CELF2: variants seen among roughly 807,000 people sequenced by gnomAD.
CELF2 encodes CUGBP Elav-like family member 2.
Under a neutral mutation model 62.6 loss-of-function variants are expected in CELF2, and 8 were observed. That is an observed-to-expected ratio of 0.13 (90% confidence interval 0.07 to 0.23). The LOEUF is 0.23. Among genes scored for constraint, CELF2 ranks in the 10% least tolerant of loss-of-function variants. The probability of loss-of-function intolerance (pLI) is 1.00; values close to 1 mark genes in which losing one functional copy is unlikely to be tolerated. For synonymous variants in CELF2, 258 were observed against 250.0 expected, an observed-to-expected ratio of 1.03 and a Z score of -0.30; for missense variants, 333 against 671.0, an observed-to-expected ratio of 0.50 and a Z score of 5.56.
At chr10:11,186,322 T>G (rs1204760111) in intron 2 of CELF2, among the ~76,000 whole-genome samples, 4 of 151,094 alleles carry the variant, frequency 2.6e-5, no homozygotes, top group Non-Finnish European at 4.4e-5. Context: ...TTCTATTTCT[T>G]TGGCTTTCAC....
intron 1 of CELF2, among the ~76,000 whole-genome samples, chr10:11,020,218 C>T (rs973121940): frequency 1.3e-5 from 2 of 152,152 alleles, no homozygotes; most frequent in African/African-American, 4.8e-5. Flanking sequence ...CAAATGATAG[C>T]CTTTGGAATC....
At chr10:10,770,593 A>T in the CELF2 span, among the ~76,000 whole-genome samples, 3 of 152,156 alleles carry the variant, frequency 2.0e-5, no homozygotes, top group Admixed American at 2.0e-4. Flanking sequence ...GACTGTGGCC[A>T]GAAAGTAAAA....
chr10:10,594,189 C>T, the CELF2 span, among the ~76,000 whole-genome samples: 1 of 152,088 alleles, frequency 6.6e-6, no homozygotes, highest in Non-Finnish European at 1.5e-5. Context: ...ACTGATTGTA[C>T]GTGGAACTAA....
intron 2 of CELF2, among the ~76,000 whole-genome samples, chr10:10,981,620 T>G (rs1176143722): frequency 6.6e-6 from 1 of 152,262 alleles, no homozygotes; most frequent in Non-Finnish European, 1.5e-5. Flanking sequence ...CAACAGTGTT[T>G]GCCATAGTTA....
intron 1 of CELF2, among the ~76,000 whole-genome samples, chr10:11,101,962 A>G (rs2051803271): frequency 6.6e-6 from 1 of 152,240 alleles, no homozygotes; most frequent in African/African-American, 2.4e-5. Context: ...TAATAAAGTT[A>G]TAGTCCAAAT....
chr10:11,161,324 G>C (rs145078633), intron 1 of CELF2, among the ~76,000 whole-genome samples: 3 of 152,290 alleles, frequency 2.0e-5, no homozygotes, highest in Non-Finnish European at 4.4e-5. Flanking sequence ...TAGCAGAATT[G>C]GCACTCAGGA....
the CELF2 span, among the ~76,000 whole-genome samples, chr10:10,700,147 T>C: frequency 6.6e-6 from 1 of 152,190 alleles, no homozygotes; most frequent in Non-Finnish European, 1.5e-5. Context: ...TGTGTGTCCA[T>C]TGCATCTCGA....
intron 1 of CELF2, among the ~76,000 whole-genome samples, chr10:11,029,541 C>G (rs2059781516): frequency 6.6e-6 from 1 of 152,234 alleles, no homozygotes; most frequent in Non-Finnish European, 1.5e-5. Context: ...GAGAAGCTCT[C>G]TGGGCTGTGA....
the CELF2 span, among the ~76,000 whole-genome samples, chr10:10,570,907 T>A: frequency 5.3e-5 from 8 of 152,214 alleles, no homozygotes; most frequent in African/African-American, 1.9e-4. Flanking sequence ...AAAAAAAAGA[T>A]GAGTAGCTTT....
chr10:10,468,191 A>T, the CELF2 span, among the ~76,000 whole-genome samples: 2 of 152,038 alleles, frequency 1.3e-5, no homozygotes, highest in East Asian at 3.9e-4. Flanking sequence ...GGACTCTATG[A>T]TAAAGCTTTG....
intron 1 of CELF2, among the ~76,000 whole-genome samples, chr10:10,868,218 T>C (rs765165941): frequency 6.6e-6 from 1 of 152,204 alleles, no homozygotes; most frequent in African/African-American, 2.4e-5. Context: ...CATTTCTTAC[T>C]GGGCTCTCTT....
At chr10:10,588,037 T>C in the CELF2 span, among the ~76,000 whole-genome samples, 1 of 151,124 alleles carries the variant, frequency 6.6e-6, no homozygotes, top group Non-Finnish European at 1.5e-5. Flanking sequence ...TTTTACATAA[T>C]GTTTTAGCTG....
chr10:11,053,397 T>C (rs1456117267), intron 1 of CELF2, among the ~76,000 whole-genome samples: 1 of 152,180 alleles, frequency 6.6e-6, no homozygotes, highest in Non-Finnish European at 1.5e-5. Context: ...CTGAGAGGCA[T>C]AGCTAAGGAA....
chr10:10,913,923 G>A (rs937239408), intron 1 of CELF2, among the ~76,000 whole-genome samples: 3 of 135,696 alleles, frequency 2.2e-5, no homozygotes, highest in African/African-American at 8.3e-5. Context: ...CGGGGCAGGG[G>A]AAGGAAAGGG....
intron 1 of CELF2, among the ~76,000 whole-genome samples, chr10:11,026,752 C>T (rs1593410450): frequency 6.6e-6 from 1 of 152,184 alleles, no homozygotes; most frequent in East Asian, 1.9e-4. Flanking sequence ...TAAGTTTCAA[C>T]AGAAGGGGCC....
chr10:10,831,390 G>T (rs1474822295), intron 1 of CELF2, among the ~76,000 whole-genome samples: 2 of 152,244 alleles, frequency 1.3e-5, no homozygotes, highest in Admixed American at 1.3e-4. Flanking sequence ...ACATCAGGCA[G>T]TTGGCACAGA....
chr10:11,003,768 TATC>T (rs2054760059), upstream of CELF2, among the ~76,000 whole-genome samples: 2 of 152,230 alleles, frequency 1.3e-5, no homozygotes, highest in African/African-American at 2.4e-5. The surrounding 1 kb of genome is among the most constrained non-coding windows in gnomAD (Gnocchi z 4.4). Flanking sequence ...TTTTATATGA[TATC>T]ATTCGCTGGC....
intron 2 of CELF2, chr10:10,944,284 G>C (rs1229241583): frequency 2.0e-5 from 3 of 152,558 alleles, no homozygotes; most frequent in Admixed American, 6.5e-5. Context: ...TTTTCTCCTT[G>C]GCTGTAGATG....
At chr10:10,469,597 G>C in the CELF2 span, among the ~76,000 whole-genome samples, 1 of 152,032 alleles carries the variant, frequency 6.6e-6, no homozygotes, top group Admixed American at 6.6e-5. Flanking sequence ...AAAGATACCA[G>C]TTGTCACCTT....
Sources: gnomAD v4.1 joint callset for allele counts (sites outside exome capture counted in the v4.1 genomes callset) on GRCh38, gnomAD v4.1.1 for gene constraint, Gnocchi (gnomAD v3.1) non-coding constraint, MANE v1.5 for transcripts, NCBI Gene and HGNC (gene_info 2026-07-23, HGNC 2026-07-21) for gene names.